The following NOC3L variants were observed in gnomAD, a reference collection of about 807,000 sequenced individuals.
NOC3L encodes the protein NOC3 like DNA replication regulator.
NOC3L carries 85 observed loss-of-function variants against 102.5 expected under a neutral mutation model. That is an observed-to-expected ratio of 0.83 (90% confidence interval 0.70 to 0.99). The LOEUF (loss-of-function observed/expected upper bound fraction) is 0.99. NOC3L is among the 50% of genes least tolerant of loss of function. The probability of loss-of-function intolerance (pLI) is 0.00; values close to 1 mark genes in which losing one functional copy is unlikely to be tolerated. For missense variants in NOC3L, 878 were observed against 914.9 expected (o/e 0.96, Z 0.52); for synonymous variants, 303 against 309.4 (o/e 0.98, Z 0.22).
rs778919723 is a variant in NOC3L at position 94,350,211 on chromosome 10, T to G, written c.1030A>C (p.Lys344Gln). ...AYKGLAEVAV[K>Q]SLCELLVALP... ...GCCACCAACAGCTCACACAAGCTCT[T>G]CACAGCGACTTCTGCCAGTCCTTTG... Residue 344 changes from lysine to glutamine, a missense_variant, in exon 9 of 21, where the codon AAG (lysine) becomes CAG (glutamine). Physicochemically the swap from Lys to Gln is moderately conservative, Grantham distance 53. Coordinates refer to ENST00000371361, the MANE Select transcript of NOC3L (RefSeq NM_022451.11). 1 of 1,614,198 alleles carries G rather than the reference T, an allele frequency of 6.2e-7. No homozygotes were observed. The highest frequency in any genetic ancestry group is 1.1e-5 in the South Asian group (1 of 91,086).
chr10:94,321,206 A>G, the NOC3L span, among the ~76,000 whole-genome samples: 4 of 152,234 alleles, frequency 2.6e-5, no homozygotes, highest in African/African-American at 9.6e-5. Context: ...CATTTCTTAA[A>G]TGCTCAACGT....
intron 10 of NOC3L, among the ~76,000 whole-genome samples, 175 bp from the exon 11 acceptor site, chr10:94,346,731 T>C (rs928729455): frequency 1.3e-5 from 2 of 152,194 alleles, no homozygotes; most frequent in Non-Finnish European, 2.9e-5. Context: ...TAATAACTTG[T>C]GTCTATGGAA....
At chr10:94,361,404 C>T in intron 2 of NOC3L, 1 of 454,692 alleles carries the variant, frequency 2.2e-6, no homozygotes, top group Non-Finnish European at 3.9e-6. Flanking sequence ...AGTTTGTTTT[C>T]CCAAGTAGTG....
Position 94,340,509 on chromosome 10 carries a change from AAGG to A in NOC3L, c.1645-16_1645-14del. On this transcript the variant is annotated splice_polypyrimidine_tract_variant and intron_variant, in intron 14 of 20. Coordinates refer to ENST00000371361, the MANE Select transcript of NOC3L (RefSeq NM_022451.11). ...GATAGCTTAGGTCCTTTAAAAAAAA[AAGG>A]GGGGGGTGAGGGGGATGGAATATTA... 8.2e-6 allele frequency: 8 copies of A among 970,990 alleles called. No individual in the cohort carries two copies. The highest frequency in any genetic ancestry group is 1.3e-5 in the South Asian group (1 of 75,764). 60.1% of individuals were successfully genotyped at this position (970,990 alleles called of 1,614,324 possible).
chr10:94,362,705 GCC>G, intron 1 of NOC3L, 123 bp downstream of exon 1: 1 of 981,318 alleles, frequency 1.0e-6, no homozygotes, highest in Non-Finnish European at 1.6e-6. Flanking sequence ...GGAATGGAAA[GCC>G]CCCAGTCTAA....
chr10:94,318,448 A>G, the NOC3L span, among the ~76,000 whole-genome samples: 1 of 152,258 alleles, frequency 6.6e-6, no homozygotes, highest in Non-Finnish European at 1.5e-5. Context: ...AAAGCCCTCA[A>G]ACACTATGTT....
chr10:94,346,676 CT>C, intron 10 of NOC3L, 120 bp from the exon 11 acceptor site: 1 of 478,828 alleles, frequency 2.1e-6, no homozygotes, highest in Non-Finnish European at 3.3e-6. Flanking sequence ...CTTCAAACAT[CT>C]TTTATAACAT....
At position 94,361,731 on chromosome 10, in the gene NOC3L, G is replaced by A; in HGVS notation, c.151C>T (p.Gln51Ter). 2 of 1,609,578 alleles carry A rather than the reference G, an allele frequency of 1.2e-6. No individual in the cohort carries two copies. The highest frequency in any genetic ancestry group is 1.7e-6 in the Non-Finnish European group (2 of 1,177,260). ...TTAGACACAGCATCTTTCACAGCTT[G>A]CCTTAGTTTCCTCTGTTCTTTTCGG... ...KYRKEQRKLR[Q>*]AVKDAVSKKP... The change falls in exon 2 of 21, where the codon CAA (glutamine) becomes TAA (stop). Residue 51 changes from glutamine (Q) to a stop codon, truncating the protein, a stop_gained. Transcript: ENST00000371361. LOFTEE classifies it high-confidence loss of function.
At chr10:94,323,758 T>A in the NOC3L span, among the ~76,000 whole-genome samples, 5,110 of 152,320 alleles carry the variant, frequency 0.034, 290 homozygotes, top group African/African-American at 0.11. Flanking sequence ...TTACATTTCT[T>A]TAACTTATCT....
chr10:94,330,286 G>A (rs1243524477), downstream of NOC3L: 2 of 152,178 alleles, frequency 1.3e-5, no homozygotes, highest in East Asian at 3.9e-4. Flanking sequence ...TACTGCCTAG[G>A]TTGCATCCCA....
intron 6 of NOC3L, among the ~76,000 whole-genome samples, chr10:94,353,729 T>C (rs2054450048): frequency 2.6e-5 from 4 of 152,238 alleles, no homozygotes; most frequent in Admixed American, 2.6e-4. Flanking sequence ...TTTTGGGAAA[T>C]TCTTTTTTGC....
chr10:94,348,223 G>T (rs1336143873), intron 10 of NOC3L, among the ~76,000 whole-genome samples: 1 of 150,464 alleles, frequency 6.6e-6, no homozygotes, highest in African/African-American at 2.4e-5. Flanking sequence ...CACATACAAA[G>T]ATGTCAAATG....
At chr10:94,321,066 CATA>C in the NOC3L span, among the ~76,000 whole-genome samples, 1 of 152,160 alleles carries the variant, frequency 6.6e-6, no homozygotes. Flanking sequence ...ATCTAATTCT[CATA>C]ATTTTACTGT....
Position 94,349,396 on chromosome 10 carries a change from ATACT to A in NOC3L, c.1129-22_1129-19del. On this transcript the variant is annotated intron_variant, in intron 9 of 20. Transcript: ENST00000371361. ...TCAGATATCTGAAAAATAAAATGTC[ATACT>A]TAACCAGTGTTTCTCAACCTTAGCA... 1 of 1,566,970 alleles carries A rather than the reference ATACT, an allele frequency of 6.4e-7. No homozygotes were observed. The highest frequency in any genetic ancestry group is 8.6e-7 in the Non-Finnish European group (1 of 1,166,020).
the NOC3L span, among the ~76,000 whole-genome samples, chr10:94,319,557 C>G: frequency 0.012 from 1,869 of 152,224 alleles, 45 homozygotes; most frequent in African/African-American, 0.042. Flanking sequence ...TTCCTGTGGT[C>G]AATGTGTCCT....
In NOC3L at chr10:94,349,316, A is replaced by C. The variant is rs1271687318; in HGVS notation, c.1191T>G (p.Ala397=). The change falls in exon 10 of 21, where the codon GCT becomes GCG. Residue 397 remains alanine (A), a synonymous_variant. Coordinates refer to ENST00000371361, the MANE Select transcript of NOC3L (RefSeq NM_022451.11). ...AAATCACTTTAATTACACCAAGAGA[A>C]GCTTGGCCTAATTTATCTTGCTTAA... ...KLFKQDKLGQ[A]SLGVIKVISG... 1.9e-6 allele frequency: 3 copies of C among 1,580,644 alleles called. No individual in the cohort carries two copies. Among genetic ancestry groups the C allele is most frequent in the Non-Finnish European group, 2.6e-6 (3 of 1,169,176 alleles).
rs550644646 is a variant in NOC3L, at chr10:94,350,009, C to T, written c.1128+104G>A. ...TCCTGACCTCGTGATCTGCCTGCCT[C>T]GGCCTCCCAAAGTGCTGGGATTACA... On this transcript the variant is annotated intron_variant, in intron 9 of 20. Coordinates refer to ENST00000371361, the MANE Select transcript of NOC3L (RefSeq NM_022451.11). The T allele has an allele frequency of 6.9e-4, 689 of 1,005,376 alleles. 2 individuals carry two copies. In the African/African-American group the frequency reaches 8.9e-3, roughly 13 times the overall value. The allele number at this position is 1,005,376 out of a possible 1,614,324, so 62.3% of individuals were successfully genotyped here. A position where few individuals can be genotyped will look rare whatever the true frequency, so the allele number is the denominator to read the frequency against.
At chr10:94,355,888 G>C (rs1367009825) in intron 5 of NOC3L, among the ~76,000 whole-genome samples, 1 of 151,968 alleles carries the variant, frequency 6.6e-6, no homozygotes, top group Admixed American at 6.6e-5. Context: ...AATTCATAGG[G>C]AACTAGATTT....
chr10:94,335,413 G>T (rs1186388833), intron 19 of NOC3L, among the ~76,000 whole-genome samples: 1 of 152,114 alleles, frequency 6.6e-6, no homozygotes, highest in African/African-American at 2.4e-5. Context: ...TATGAAGAGT[G>T]ACAAAGAATT....
Sources: allele counts gnomAD v4.1 joint callset (sites outside exome capture counted in the v4.1 genomes callset), GRCh38; gene constraint gnomAD v4.1.1; transcripts MANE v1.5; gene names NCBI Gene and HGNC (gene_info 2026-07-23, HGNC 2026-07-21).